LARP4: variants seen among roughly 807,000 people sequenced by gnomAD.
LARP4 encodes the protein La ribonucleoprotein 4.
In LARP4, 29 loss-of-function variants were observed where a neutral mutation model predicts 92.9. That is an observed-to-expected ratio of 0.31 (90% CI 0.23 to 0.43). The LOEUF (loss-of-function observed/expected upper bound fraction) is 0.43, where lower values mean the gene tolerates loss of function less well. LARP4 is among the 20% of genes least tolerant of loss of function. The pLI is 1.00. For missense variants in LARP4, 732 were observed against 860.0 expected (o/e 0.85, Z 1.86); for synonymous variants, 279 against 284.1 (o/e 0.98, Z 0.18).
At chr12:50,449,785 TA>T (rs1022097915) in intron 8 of LARP4, among the ~76,000 whole-genome samples, 5 of 152,190 alleles carry the variant, frequency 3.3e-5, no homozygotes, top group African/African-American at 9.6e-5. Context: ...TACCAGTTTT[TA>T]AAAGTGTTGA....
At chr12:50,461,092 C>T (rs1299755366) in intron 10 of LARP4, 43 bp from the exon 11 acceptor site, 2 of 1,524,184 alleles carry the variant, frequency 1.3e-6, no homozygotes, top group Non-Finnish European at 1.8e-6. Flanking sequence ...GTTTTTCTGT[C>T]TCGATTTACT....
intron 10 of LARP4, among the ~76,000 whole-genome samples, chr12:50,458,918 A>G (rs1954824347): frequency 6.6e-6 from 1 of 152,116 alleles, no homozygotes; most frequent in South Asian, 2.1e-4. Context: ...GTGCATTGGT[A>G]TTTTCCTAGT....
At chr12:50,439,911 T>TA (rs1186827259) in intron 6 of LARP4, among the ~76,000 whole-genome samples, 3 of 152,196 alleles carry the variant, frequency 2.0e-5, no homozygotes, top group Non-Finnish European at 2.9e-5. Flanking sequence ...AAAGAGAAGA[T>TA]ATGTTTGCAC....
At chr12:50,449,451 CT>C (rs956505570) in intron 8 of LARP4, among the ~76,000 whole-genome samples, 13 of 152,118 alleles carry the variant, frequency 8.5e-5, no homozygotes, top group African/African-American at 2.7e-4. Context: ...GTCGCTAGAT[CT>C]TTTTTTCTTT....
chr12:50,427,960 G>C, intron 2 of LARP4, 51 bp downstream of exon 2: 1 of 1,209,860 alleles, frequency 8.3e-7, no homozygotes, highest in Non-Finnish European at 1.1e-6. Flanking sequence ...TAAATGTATG[G>C]CCAAGCAAGT....
intron 1 of LARP4, among the ~76,000 whole-genome samples, chr12:50,415,068 T>C (rs1946533377): frequency 6.6e-6 from 1 of 152,070 alleles, no homozygotes; most frequent in African/African-American, 2.4e-5. Context: ...CCCAGCATGG[T>C]GGCGCACACC....
At chr12:50,458,723 T>G (rs1344842899) in intron 10 of LARP4, among the ~76,000 whole-genome samples, 1 of 152,188 alleles carries the variant, frequency 6.6e-6, no homozygotes, top group Non-Finnish European at 1.5e-5. Flanking sequence ...ATTTTAGGTG[T>G]TTTTGCTACT....
chr12:50,437,616 T>C, intron 5 of LARP4, 119 bp from the exon 6 acceptor site: 1 of 577,834 alleles, frequency 1.7e-6, no homozygotes, highest in Admixed American at 3.1e-5. Context: ...TTCTTTAGGA[T>C]ATTAACCCAG....
chr12:50,429,983 GA>G (rs1010549215), intron 3 of LARP4, among the ~76,000 whole-genome samples: 1 of 152,022 alleles, frequency 6.6e-6, no homozygotes, highest in Admixed American at 6.6e-5. Flanking sequence ...TTTTGATAAA[GA>G]TAACCTTAAA....
chr12:50,473,711 C>A (rs369297808), intron 14 of LARP4, among the ~76,000 whole-genome samples, 175 bp downstream of exon 14: 42 of 148,990 alleles, frequency 2.8e-4, no homozygotes, highest in Non-Finnish European at 6.1e-4. Context: ...ACTAAAAATA[C>A]AAAAATTAGC....
chr12:50,459,364 C>T (rs1270168194), intron 10 of LARP4, among the ~76,000 whole-genome samples: 1 of 152,124 alleles, frequency 6.6e-6, no homozygotes, highest in Non-Finnish European at 1.5e-5. Flanking sequence ...CCTAAACAGC[C>T]TTTTTAGGCA....
At chr12:50,463,595 TAAAC>T (rs1175125011) in intron 12 of LARP4, among the ~76,000 whole-genome samples, 4 of 151,856 alleles carry the variant, frequency 2.6e-5, no homozygotes, top group Admixed American at 6.6e-5. Context: ...TCAAAAATAA[TAAAC>T]AAAATAATCT....
At chr12:50,416,093 G>A (rs1055630544) in intron 1 of LARP4, among the ~76,000 whole-genome samples, 1 of 152,170 alleles carries the variant, frequency 6.6e-6, no homozygotes, top group African/African-American at 2.4e-5. Flanking sequence ...GGAAGTGAAG[G>A]TTCTGTTTAT....
chr12:50,466,584 A>G (rs1956178473), intron 12 of LARP4, among the ~76,000 whole-genome samples: 1 of 152,184 alleles, frequency 6.6e-6, no homozygotes, highest in African/African-American at 2.4e-5. Flanking sequence ...ACTGCATTTC[A>G]GCCTTGGTGA....
chr12:50,456,640 C>T (rs889132255), intron 10 of LARP4, among the ~76,000 whole-genome samples: 1 of 152,144 alleles, frequency 6.6e-6, no homozygotes, highest in Admixed American at 6.6e-5. Context: ...AGGCATTTTT[C>T]TACCTTTCAT....
chr12:50,402,332 C>A (rs1645361744), intron 1 of LARP4, among the ~76,000 whole-genome samples: 2 of 152,024 alleles, frequency 1.3e-5, no homozygotes, highest in Admixed American at 1.3e-4. Flanking sequence ...CCGGGGAAAT[C>A]ATGAAAAGAC....
At chr12:50,475,175 A>G (rs1372642343) in intron 15 of LARP4, among the ~76,000 whole-genome samples, 2 of 152,072 alleles carry the variant, frequency 1.3e-5, no homozygotes, top group Non-Finnish European at 2.9e-5. Flanking sequence ...TTCTTTTGTC[A>G]TCTTTCTTGG....
chr12:50,426,738 T>G (rs1165745663), intron 1 of LARP4, among the ~76,000 whole-genome samples: 1 of 144,544 alleles, frequency 6.9e-6, no homozygotes, highest in African/African-American at 2.5e-5. Flanking sequence ...TGTGGTTTTT[T>G]TTTTTTTTTT....
intron 8 of LARP4, among the ~76,000 whole-genome samples, 194 bp downstream of exon 8, chr12:50,441,837 C>T (rs1469970863): frequency 6.6e-6 from 1 of 152,126 alleles, no homozygotes. Flanking sequence ...TAGCATGACG[C>T]CAGGAGTTCG....
Sources: allele counts gnomAD v4.1 joint callset (sites outside exome capture counted in the v4.1 genomes callset), GRCh38; gene constraint gnomAD v4.1.1; transcripts MANE v1.5; gene names NCBI Gene and HGNC (gene_info 2026-07-23, HGNC 2026-07-21).